Variants in PODN observed in about 807,000 individuals in gnomAD.
PODN encodes the protein podocan.
A neutral mutation model predicts 52.7 loss-of-function variants in PODN; 40 were observed. That is an observed-to-expected ratio of 0.76 (90% CI 0.59 to 0.99). The LOEUF is 0.99. PODN is among the 50% of genes least tolerant of loss of function. The pLI is 0.00. For synonymous variants in PODN, 396 were observed against 377.9 expected (o/e 1.05, Z -0.56); for missense variants, 720 against 815.1 (o/e 0.88, Z 1.42).
intron 4 of PODN, among the ~76,000 whole-genome samples, chr1:53,075,275 A>G (rs898733776): frequency 6.6e-5 from 10 of 152,134 alleles, no homozygotes; most frequent in Non-Finnish European, 2.9e-5. Context: ...CATCCAGTGG[A>G]AGGAAGCTAC....
At chr1:53,066,677 C>A in intron 1 of PODN, 2 of 709,798 alleles carry the variant, frequency 2.8e-6, no homozygotes, top group South Asian at 1.8e-5. Context: ...GGGCTGGGAG[C>A]TCAGCTTTGC....
At chr1:53,083,417 C>T (rs1017985529) in intron 10 of PODN, among the ~76,000 whole-genome samples, 3 of 152,100 alleles carry the variant, frequency 2.0e-5, no homozygotes, top group Non-Finnish European at 2.9e-5. Context: ...GGGGAGTCAC[C>T]GATGTAGGAA....
At chr1:53,063,448 C>G in intron 1 of PODN, 1 of 985,530 alleles carries the variant, frequency 1.0e-6, no homozygotes, top group Non-Finnish European at 1.2e-6. Flanking sequence ...TGGTCCCGTC[C>G]CCTATCCCTC....
chr1:53,077,559 T>G, intron 6 of PODN, 126 bp from the exon 7 acceptor site: 1 of 1,159,614 alleles, frequency 8.6e-7, no homozygotes, highest in Non-Finnish European at 1.2e-6. Flanking sequence ...GCCCCACACC[T>G]GGGTTGCTTC....
chr1:53,078,413 T>C lies in PODN; in HGVS notation c.903T>C (p.Ser301=). 6.2e-7 allele frequency: 1 copy of C among 1,613,532 alleles called. No individual in the cohort carries two copies. The highest frequency in any genetic ancestry group is 8.5e-7 in the Non-Finnish European group (1 of 1,180,016). Reference sequence around the variant, plus strand: ...TGGATCTGTCCAGCAACAACCTGTCTCGGGTCCCAGCTGGGCTGCCGCGCA... The same window carrying C: ...TGGATCTGTCCAGCAACAACCTGTCCCGGGTCCCAGCTGGGCTGCCGCGCA... The part of the protein sequence containing the change: ...EYLDLSSNNL[S]RVPAGLPRSL... The change falls in exon 8 of 11, where the codon TCT becomes TCC. Residue 301 remains serine, a synonymous_variant. Coordinates refer to ENST00000312553, the MANE Select transcript of PODN (RefSeq NM_153703.5).
At chr1:53,079,551 T>TC (rs1644252760) in intron 8 of PODN, among the ~76,000 whole-genome samples, 2 of 152,066 alleles carry the variant, frequency 1.3e-5, no homozygotes, top group Non-Finnish European at 2.9e-5. Context: ...ACCTCACCAG[T>TC]CTGCAGAGGG....
chr1:53,081,893 CT>C (rs1644300703), intron 9 of PODN, 87 bp from the exon 10 acceptor site: 2 of 1,508,950 alleles, frequency 1.3e-6, no homozygotes, highest in African/African-American at 1.4e-5. Flanking sequence ...ATTCCCTCCC[CT>C]GTTACCTTCT....
rs1303973933 is a variant in PODN at position 53,074,624 on chromosome 1, T to A, written c.425T>A (p.Phe142Tyr). The A allele has an allele frequency of 6.2e-7, 1 of 1,614,060 alleles. No homozygotes were observed. Residue 142 changes from phenylalanine (F) to tyrosine (Y), a missense_variant, in exon 4 of 11, where the codon TTT (phenylalanine) becomes TAT (tyrosine). By Grantham distance (22) the Phe-to-Tyr change is conservative. Transcript: ENST00000312553. ...LTSRGLPEKA[F>Y]EHLTNLNYLY... ...TTTGAAGGGCTCCCAGAGAAGGCGT[T>A]TGAGCATCTGACCAACCTCAATTAC...
chr1:53,066,075 A>G (rs1216136968), intron 1 of PODN, among the ~76,000 whole-genome samples: 2 of 142,900 alleles, frequency 1.4e-5, no homozygotes, highest in East Asian at 4.1e-4. Context: ...GGCTCACAGC[A>G]GCCTCAACCT....
chr1:53,063,694 T>C, intron 1 of PODN: 1 of 524,872 alleles, frequency 1.9e-6, no homozygotes, highest in Non-Finnish European at 2.4e-6. Flanking sequence ...AGTTAAGAAA[T>C]GTCAGAGTCA....
At chr1:53,079,099 A>T (rs1191108394) in intron 8 of PODN, 77 bp downstream of exon 8, 1 of 1,424,974 alleles carries the variant, frequency 7.0e-7, no homozygotes, top group African/African-American at 1.4e-5. Flanking sequence ...CACCTGTCTG[A>T]AGGGTGAGGA....
At chr1:53,062,723 C>A (rs983796149) in intron 1 of PODN, among the ~76,000 whole-genome samples, 1 of 152,224 alleles carries the variant, frequency 6.6e-6, no homozygotes, top group Non-Finnish European at 1.5e-5. Flanking sequence ...ATCCCCGCGT[C>A]TTTCCACGTC....
intron 4 of PODN, 46 bp downstream of exon 4, chr1:53,074,716 G>A (rs764206684): frequency 3.5e-5 from 56 of 1,586,710 alleles, no homozygotes; most frequent in Non-Finnish European, 4.5e-5. Flanking sequence ...CTGTCCTCTA[G>A]GCATTGTCTT....
intron 1 of PODN, 42 bp from the exon 2 acceptor site, chr1:53,069,759 A>T (rs755566917): frequency 1.3e-6 from 2 of 1,529,968 alleles, no homozygotes; most frequent in East Asian, 2.4e-5. Context: ...GGGCCCCGTC[A>T]TGACTTTCGA....
rs574757594 is a variant in PODN at position 53,074,808 on chromosome 1, C to T, written c.471+138C>T. 37 of 477,220 alleles carry T rather than the reference C, an allele frequency of 7.8e-5. 2 individuals are homozygous for T. Among genetic ancestry groups the T allele is most frequent in the South Asian group, 5.3e-4 (20 of 37,762 alleles). The allele number at this position is 477,220 out of a possible 1,614,324, so 29.6% of individuals were successfully genotyped here. ...TTGCTGCTCAGACATGGCCCTGGGT[C>T]GGGGGTGGGGGAGACACGGACCCCA... On this transcript the variant is annotated intron_variant, in intron 4 of 10. Transcript: ENST00000312553.
Position 53,070,166 on chromosome 1 carries a change from A to C in PODN, c.311A>C (p.Gln104Pro). 1 of 1,606,778 alleles carries C rather than the reference A, an allele frequency of 6.2e-7. No homozygotes were observed. The highest frequency in any genetic ancestry group is 8.5e-7 in the Non-Finnish European group (1 of 1,179,894). The change falls in exon 2 of 11, where the codon CAG (glutamine) becomes CCG (proline). Residue 104 changes from glutamine to proline, a missense_variant and splice_region_variant. Physicochemically the swap from Gln to Pro is moderately conservative, Grantham distance 76. Coordinates refer to ENST00000312553, the MANE Select transcript of PODN (RefSeq NM_153703.5). ...LPEHTNHLSL[Q>P]NNQLEKIYPE... Reference sequence around the variant, plus strand: ...GAGCACACCAACCACCTATCTCTGCAGGTGAGGTCGGCGTTGCACCTGTGG... The same window carrying C: ...GAGCACACCAACCACCTATCTCTGCCGGTGAGGTCGGCGTTGCACCTGTGG...
At chr1:53,079,291 T>G (rs1572276056) in intron 8 of PODN, among the ~76,000 whole-genome samples, 1 of 150,962 alleles carries the variant, frequency 6.6e-6, no homozygotes, top group South Asian at 2.1e-4. Flanking sequence ...GGTACAAGAG[T>G]GAGGGGCAGA....
chr1:53,062,378 C>T (rs1643970434), intron 1 of PODN, 70 bp downstream of exon 1: 1 of 1,111,060 alleles, frequency 9.0e-7, no homozygotes, highest in Non-Finnish European at 1.1e-6. Context: ...ACTCAGACGT[C>T]CCCGCCTCTC....
chr1:53,074,884 A>G (rs1004293905), intron 4 of PODN, among the ~76,000 whole-genome samples: 1 of 152,104 alleles, frequency 6.6e-6, no homozygotes, highest in Non-Finnish European at 1.5e-5. Context: ...GACAGAAGCC[A>G]AGGCCCACAG....
Sources: gnomAD v4.1 joint callset for allele counts (sites outside exome capture counted in the v4.1 genomes callset) on GRCh38, gnomAD v4.1.1 for gene constraint, MANE v1.5 for transcripts, NCBI Gene and HGNC (gene_info 2026-07-23, HGNC 2026-07-21) for gene names.